CADM2: variants seen among roughly 807,000 people sequenced by gnomAD.
The protein encoded by CADM2 is immunoglobulin superfamily member 4D.
A neutral mutation model predicts 49.8 loss-of-function variants in CADM2; 12 were observed. The observed-to-expected ratio is 0.24, with a 90% CI of 0.15 to 0.39. CADM2 has a LOEUF of 0.39. Ranked by LOEUF, CADM2 falls within the 10% of genes least tolerant of loss-of-function variation. The pLI, the probability that CADM2 is intolerant of heterozygous loss-of-function variation, is 1.00. For missense variants in CADM2, 378 were observed against 492.3 expected (o/e 0.77, Z 2.20); for synonymous variants, 214 against 175.4 (o/e 1.22, Z -1.74).
At chr3:85,180,295 G>C (rs1389782338) in intron 1 of CADM2, among the ~76,000 whole-genome samples, 1 of 151,840 alleles carries the variant, frequency 6.6e-6, no homozygotes, top group Non-Finnish European at 1.5e-5. Flanking sequence ...GATCCCTTGA[G>C]GTCAGGAGTT....
intron 3 of CADM2, among the ~76,000 whole-genome samples, chr3:85,807,894 T>C (rs1406264535): frequency 6.6e-6 from 1 of 152,144 alleles, no homozygotes; most frequent in Non-Finnish European, 1.5e-5. Flanking sequence ...TAAATGATTT[T>C]TTTTTACCAT....
chr3:85,630,288 T>A (rs2064267565), intron 1 of CADM2, among the ~76,000 whole-genome samples: 1 of 151,938 alleles, frequency 6.6e-6, no homozygotes. Context: ...GAATTTCCAT[T>A]CCGACTTATA....
chr3:85,772,798 C>A (rs2070157927), intron 2 of CADM2, among the ~76,000 whole-genome samples: 1 of 143,592 alleles, frequency 7.0e-6, no homozygotes, highest in Admixed American at 7.0e-5. Flanking sequence ...GCTATGTTTT[C>A]TTTTTTTTTT....
chr3:85,553,654 T>G (rs2061874611), intron 1 of CADM2, among the ~76,000 whole-genome samples: 1 of 152,180 alleles, frequency 6.6e-6, no homozygotes, highest in South Asian at 2.1e-4. Flanking sequence ...TGAAAATATC[T>G]CCCGTTCAGC....
intron 3 of CADM2, among the ~76,000 whole-genome samples, chr3:85,856,223 G>T (rs1225597366): frequency 5.9e-5 from 9 of 152,052 alleles, no homozygotes; most frequent in Non-Finnish European, 1.0e-4. Flanking sequence ...CTACTATATA[G>T]CTTATTAGTT....
intron 1 of CADM2, among the ~76,000 whole-genome samples, chr3:85,627,612 C>T (rs1319325948): frequency 1.3e-5 from 2 of 151,802 alleles, no homozygotes; most frequent in Non-Finnish European, 2.9e-5. Flanking sequence ...ACCCGGGGTG[C>T]TCAAACAAAG....
intron 1 of CADM2, among the ~76,000 whole-genome samples, chr3:85,170,705 T>C (rs1470723586): frequency 6.6e-6 from 1 of 152,174 alleles, no homozygotes; most frequent in Non-Finnish European, 1.5e-5. Flanking sequence ...CTTTTTATAT[T>C]TGTTTGTCCT....
rs1034199939 is a variant in CADM2, at chr3:84,966,756, G to T, written c.61+7088G>T. Among the ~76,000 whole-genome samples the T allele has an allele frequency of 3.3e-5, 5 of 151,924 alleles. No homozygotes were observed. The South Asian group carries it at 8.3e-4, about 25-fold the overall frequency. On this transcript the variant is annotated intron_variant, in intron 1 of 9. Transcript: ENST00000383699. ...TTAACACAGTCATTGTTCAATTTTG[G>T]AAACAACTCTTTCTGAGTCAGCAAA...
intron 1 of CADM2, among the ~76,000 whole-genome samples, chr3:85,558,529 CA>C (rs1457770494): frequency 3.3e-5 from 5 of 151,976 alleles, no homozygotes; most frequent in African/African-American, 9.6e-5. Context: ...TTGAACTCTG[CA>C]AAATGACATT....
intron 1 of CADM2, among the ~76,000 whole-genome samples, chr3:85,246,760 A>G (rs1258939318): frequency 9.2e-5 from 14 of 152,108 alleles, no homozygotes; most frequent in Admixed American, 8.5e-4. Context: ...CAAGTGTTCA[A>G]TTCTTTATTA....
chr3:85,189,873 G>A (rs1466096676), intron 1 of CADM2, among the ~76,000 whole-genome samples: 4 of 138,010 alleles, frequency 2.9e-5, no homozygotes, highest in East Asian at 4.1e-4. Flanking sequence ...GCTGTTGTCC[G>A]GAGATATTAT....
At chr3:85,823,238 A>G (rs1018872388) in intron 3 of CADM2, among the ~76,000 whole-genome samples, 10 of 152,218 alleles carry the variant, frequency 6.6e-5, no homozygotes, top group African/African-American at 1.9e-4. Context: ...ACAATTTTGT[A>G]TTTAATGAAT....
chr3:85,588,362 A>T (rs2063001015), intron 1 of CADM2, among the ~76,000 whole-genome samples: 1 of 151,952 alleles, frequency 6.6e-6, no homozygotes, highest in African/African-American at 2.4e-5. Flanking sequence ...CTGCTAGTTG[A>T]TTGGAGGGAA....
intron 3 of CADM2, among the ~76,000 whole-genome samples, chr3:85,826,023 T>C (rs2073890529): frequency 6.6e-6 from 1 of 152,092 alleles, no homozygotes; most frequent in Non-Finnish European, 1.5e-5. Flanking sequence ...ACAATTTCAG[T>C]AATATCTCTG....
At chr3:85,670,063 T>G (rs62261691) in intron 1 of CADM2, among the ~76,000 whole-genome samples, 31,518 of 151,990 alleles carry the variant, frequency 0.21, 3,717 homozygotes, top group East Asian at 0.53. Context: ...AAAATTAGAT[T>G]AGAAGCTCTC....
chr3:85,110,960 GC>G (rs1443778004), intron 1 of CADM2, among the ~76,000 whole-genome samples: 1 of 151,820 alleles, frequency 6.6e-6, no homozygotes, highest in African/African-American at 2.4e-5. Flanking sequence ...GTTTTTGGAA[GC>G]TTTTGTTTAT....
At chr3:85,659,461 G>GA (rs140072260) in intron 1 of CADM2, among the ~76,000 whole-genome samples, 250 of 145,694 alleles carry the variant, frequency 1.7e-3, no homozygotes, top group Non-Finnish European at 1.9e-3. Flanking sequence ...TAACTAAAAG[G>GA]AAAAAAAAAA....
Position 85,769,554 on chromosome 3 carries a change from T to TACATATATA in CADM2, c.89-32493_89-32492insACATATATA, listed in dbSNP as rs1188703775. ...GTATATATACACGTATATACATATA[T>TACATATATA]GTATATATACACGTATATACATATA... On this transcript the variant is annotated intron_variant, in intron 2 of 9. Coordinates refer to ENST00000383699, the MANE Select transcript of CADM2 (RefSeq NM_001167675.2). Among the ~76,000 whole-genome samples the TACATATATA allele has an allele frequency of 2.1e-4, 15 of 70,490 alleles. 5 individuals carry two copies. The highest frequency in any genetic ancestry group is 6.4e-4 in the African/African-American group (10 of 15,742). 46.2% of individuals were successfully genotyped at this position (70,490 alleles called of 152,430 possible). A position where few individuals can be genotyped will look rare whatever the true frequency, so the allele number is the denominator to read the frequency against.
At chr3:85,105,764 AT>A (rs1236266151) in intron 1 of CADM2, among the ~76,000 whole-genome samples, 2 of 152,230 alleles carry the variant, frequency 1.3e-5, no homozygotes, top group Non-Finnish European at 2.9e-5. Flanking sequence ...CTATGCAGCC[AT>A]AAAAAATGAT....
Sources: allele counts gnomAD v4.1 joint callset (sites outside exome capture counted in the v4.1 genomes callset), GRCh38; gene constraint gnomAD v4.1.1; transcripts MANE v1.5; gene names NCBI Gene and HGNC (gene_info 2026-07-23, HGNC 2026-07-21).